KIAA0930: variants seen among roughly 807,000 people sequenced by gnomAD.
KIAA0930 encodes the protein uncharacterized protein KIAA0930.
Under a neutral mutation model 43.9 loss-of-function variants are expected in KIAA0930, and 24 were observed. That is an observed-to-expected ratio of 0.55 (90% CI 0.40 to 0.77). KIAA0930 has a LOEUF of 0.77. KIAA0930 is among the 30% of genes least tolerant of loss of function. The pLI is 0.00. For synonymous variants in KIAA0930, 259 were observed against 216.4 expected (o/e 1.20, Z -1.73); for missense variants, 461 against 574.2 (o/e 0.80, Z 2.02).
intron 1 of KIAA0930, among the ~76,000 whole-genome samples, chr22:45,225,537 CCTT>C (rs546299247): frequency 2.6e-5 from 4 of 152,210 alleles, no homozygotes; most frequent in Non-Finnish European, 4.4e-5. Flanking sequence ...CAGCCTCGGC[CCTT>C]CTTCTCTGAC....
In KIAA0930 at chr22:45,195,653, T is replaced by G. The variant is rs1051144636; in HGVS notation, c.*1523A>C. On this transcript the variant is annotated 3_prime_UTR_variant, in exon 10 of 10. Transcript: ENST00000336156. ...CCCCCCACCAAGCACGGTCTCAGAT[T>G]AGGTTATTACAAAGGGCGAGGGGGA... 1 of 146,198 alleles carries G rather than the reference T, an allele frequency of 6.8e-6. No individual in the cohort carries two copies. Among genetic ancestry groups the G allele is most frequent in the African/African-American group, 2.6e-5 (1 of 38,098 alleles). The allele number at this position is 146,198 out of a possible 1,614,324, so 9.1% of individuals were successfully genotyped here.
intron 1 of KIAA0930, among the ~76,000 whole-genome samples, chr22:45,215,959 C>T (rs957943147): frequency 1.3e-5 from 2 of 151,634 alleles, no homozygotes; most frequent in Admixed American, 1.3e-4. Context: ...ACCCGGGAGG[C>T]GGAGCCTGCA....
At chr22:45,235,712 GCCTGTA>G (rs2147768884) in intron 1 of KIAA0930, among the ~76,000 whole-genome samples, 1 of 152,340 alleles carries the variant, frequency 6.6e-6, no homozygotes, top group South Asian at 2.1e-4. Context: ...TTTGTGCTGA[GCCTGTA>G]CCTGCCACGT....
chr22:45,211,923 C>T, intron 2 of KIAA0930, 33 bp downstream of exon 2: 2 of 1,599,568 alleles, frequency 1.3e-6, no homozygotes, highest in Non-Finnish European at 8.5e-7. Flanking sequence ...GCTTGGGGCA[C>T]AGACGCAGGG....
rs2083518967 is a variant in KIAA0930 at position 45,194,516 on chromosome 22, A to G, written c.*2660T>C. On this transcript the variant is annotated 3_prime_UTR_variant, in exon 10 of 10. Transcript: ENST00000336156. ...GCATTAGTCTTCCCCGCATTACACA[A>G]AAGGCAGGTGTGTTCCCAGAAAAAT... 1 of 152,222 alleles carries G rather than the reference A, an allele frequency of 6.6e-6. No individual in the cohort carries two copies. Among genetic ancestry groups the G allele is most frequent in the African/African-American group, 2.4e-5 (1 of 41,450 alleles). 9.4% of individuals were successfully genotyped at this position (152,222 alleles called of 1,614,324 possible).
chr22:45,230,089 C>G (rs542957515), intron 1 of KIAA0930, among the ~76,000 whole-genome samples: 194 of 152,300 alleles, frequency 1.3e-3, no homozygotes, highest in African/African-American at 4.4e-3. Context: ...GTGACAGGAA[C>G]AGCCACATGG....
At chr22:45,217,862 GAGTGACCTGCTTCTGTA>G (rs2083743256) in intron 1 of KIAA0930, among the ~76,000 whole-genome samples, 1 of 152,300 alleles carries the variant, frequency 6.6e-6, no homozygotes, top group South Asian at 2.1e-4. Flanking sequence ...TGCCTCAAGC[GAGTGACCTGCTTCTGTA>G]AGTCACTCTC....
chr22:45,235,755 A>T (rs1288007748), intron 1 of KIAA0930, among the ~76,000 whole-genome samples: 1 of 152,184 alleles, frequency 6.6e-6, no homozygotes, highest in East Asian at 1.9e-4. Flanking sequence ...CACTTCTCTC[A>T]TACAATCCCT....
At chr22:45,230,786 T>C (rs2147765195) in intron 1 of KIAA0930, among the ~76,000 whole-genome samples, 1 of 152,094 alleles carries the variant, frequency 6.6e-6, no homozygotes, top group East Asian at 2.0e-4. Context: ...TTCACAATGT[T>C]GGCCAGGCTG....
At chr22:45,197,730 C>T (rs1404922980) in intron 9 of KIAA0930, 60 bp downstream of exon 9, 2 of 1,587,938 alleles carry the variant, frequency 1.3e-6, no homozygotes, top group African/African-American at 2.7e-5. Flanking sequence ...GTACCAAGGC[C>T]CTGGAGGCAG....
At chr22:45,230,869 G>A (rs895859218) in intron 1 of KIAA0930, among the ~76,000 whole-genome samples, 5 of 151,248 alleles carry the variant, frequency 3.3e-5, no homozygotes, top group Non-Finnish European at 7.4e-5. Context: ...CGTGAGCCAC[G>A]TCGCCCAGCC....
chr22:45,227,459 G>A (rs1437433500), intron 1 of KIAA0930, among the ~76,000 whole-genome samples: 1 of 152,144 alleles, frequency 6.6e-6, no homozygotes, highest in Non-Finnish European at 1.5e-5. Flanking sequence ...ATCCTTCTCT[G>A]GAGAAAGGGA....
intron 6 of KIAA0930, among the ~76,000 whole-genome samples, 185 bp from the exon 7 acceptor site, chr22:45,203,369 G>T (rs910137184): frequency 6.6e-6 from 1 of 152,088 alleles, no homozygotes; most frequent in African/African-American, 2.4e-5. Flanking sequence ...GCCCCTCCTG[G>T]TGCCCCTCCC....
chr22:45,216,382 G>A (rs1360301672), intron 1 of KIAA0930, among the ~76,000 whole-genome samples: 1 of 151,794 alleles, frequency 6.6e-6, no homozygotes, highest in Non-Finnish European at 1.5e-5. Context: ...TGGCTGCACG[G>A]CTCCAGCTGC....
At chr22:45,221,892 G>A (rs953520759) in intron 1 of KIAA0930, among the ~76,000 whole-genome samples, 3 of 152,060 alleles carry the variant, frequency 2.0e-5, no homozygotes, top group Admixed American at 6.6e-5. Flanking sequence ...GCGCAACCAC[G>A]CCAGGCTAAT....
intron 2 of KIAA0930, 126 bp from the exon 3 acceptor site, chr22:45,206,038 C>T (rs2083635288): frequency 6.7e-7 from 1 of 1,486,060 alleles, no homozygotes; most frequent in African/African-American, 1.4e-5. Flanking sequence ...TTTTTTGAGA[C>T]AGGGTCTCAC....
chr22:45,206,596 C>A (rs1175982377), intron 2 of KIAA0930, among the ~76,000 whole-genome samples: 1 of 152,160 alleles, frequency 6.6e-6, no homozygotes, highest in Non-Finnish European at 1.5e-5. Flanking sequence ...GTATCATTAG[C>A]CCCATGTTAA....
At chr22:45,199,788 G>T in intron 8 of KIAA0930, 85 bp downstream of exon 8, 3 of 1,286,240 alleles carry the variant, frequency 2.3e-6, no homozygotes, top group South Asian at 3.3e-5. Flanking sequence ...ACAAATGAAT[G>T]AATGAATAAA....
chr22:45,240,526 C>T, intron 1 of KIAA0930, 114 bp downstream of exon 1: 1 of 689,478 alleles, frequency 1.5e-6, no homozygotes. Flanking sequence ...CCAGAGACCA[C>T]GACACCCGCG....
Sources: allele counts gnomAD v4.1 joint callset (sites outside exome capture counted in the v4.1 genomes callset), GRCh38; gene constraint gnomAD v4.1.1; transcripts MANE v1.5; gene names NCBI Gene and HGNC (gene_info 2026-07-23, HGNC 2026-07-21).